DNAJB12: variants seen among roughly 807,000 people sequenced by gnomAD.
DNAJB12 encodes the protein dnaJ homolog subfamily B member 12.
DNAJB12 carries 14 observed loss-of-function variants against 40.6 expected under a neutral mutation model. The ratio of observed to expected loss-of-function variants is 0.34; its 90% CI spans 0.23 to 0.54. DNAJB12 has a LOEUF of 0.54. DNAJB12 is among the 20% of genes least tolerant of loss of function. DNAJB12 has a pLI of 0.92. For synonymous variants in DNAJB12, 181 were observed against 199.5 expected, an observed-to-expected ratio of 0.91 and a Z score of 0.78; for missense variants, 444 against 501.7, an observed-to-expected ratio of 0.89 and a Z score of 1.10.
intron 8 of DNAJB12, chr10:72,334,959 G>A (rs760689483): frequency 1.4e-4 from 159 of 1,147,134 alleles, no homozygotes; most frequent in Admixed American, 1.9e-4. Flanking sequence ...AGAGCCCAGC[G>A]CCCCCATTCG....
chr10:72,345,539 C>T (rs1861761365), intron 1 of DNAJB12, among the ~76,000 whole-genome samples: 1 of 145,044 alleles, frequency 6.9e-6, no homozygotes, highest in Middle Eastern at 3.4e-3. Context: ...CACTGCAGTC[C>T]AGCCTGGGTG....
intron 1 of DNAJB12, among the ~76,000 whole-genome samples, chr10:72,349,217 A>G (rs1589133014): frequency 6.6e-6 from 1 of 152,278 alleles, no homozygotes; most frequent in East Asian, 1.9e-4. Flanking sequence ...GAAATGGGAT[A>G]ATGTGTGTAA....
intron 1 of DNAJB12, among the ~76,000 whole-genome samples, chr10:72,351,804 TG>T (rs1257149764): frequency 6.6e-6 from 1 of 152,246 alleles, no homozygotes; most frequent in East Asian, 1.9e-4. Context: ...CACTTTCACC[TG>T]TAACCTGGAG....
chr10:72,341,997 T>TA (rs1339550004), intron 3 of DNAJB12, among the ~76,000 whole-genome samples: 1 of 152,220 alleles, frequency 6.6e-6, no homozygotes, highest in Admixed American at 6.5e-5. Context: ...GGGCATCCCT[T>TA]TCTGGAGGTT....
At chr10:72,348,974 G>A (rs528674388) in intron 1 of DNAJB12, among the ~76,000 whole-genome samples, 7 of 152,168 alleles carry the variant, frequency 4.6e-5, no homozygotes, top group Admixed American at 3.9e-4. Context: ...AGGGGCCTTC[G>A]AACCCCAGGA....
chr10:72,352,700 T>C (rs1205434577), intron 1 of DNAJB12, among the ~76,000 whole-genome samples: 1 of 152,168 alleles, frequency 6.6e-6, no homozygotes, highest in African/African-American at 2.4e-5. Context: ...GTAAGTTTTG[T>C]CTCTTTCACT....
intron 2 of DNAJB12, 41 bp downstream of exon 2, chr10:72,344,908 TC>T (rs1381482699): frequency 6.2e-7 from 1 of 1,610,452 alleles, no homozygotes; most frequent in Non-Finnish European, 8.5e-7. Context: ...CCTCTAGATT[TC>T]CCCAGTCTCC....
intron 5 of DNAJB12, among the ~76,000 whole-genome samples, chr10:72,339,968 C>T (rs543152166): frequency 6.6e-6 from 1 of 152,182 alleles, no homozygotes; most frequent in South Asian, 2.1e-4. Context: ...ACCTTGGCCT[C>T]CCAAATTTTT....
rs1862018640 is a variant in DNAJB12 at position 72,354,645 on chromosome 10, T to C, written c.133+120A>G. On this transcript the variant is annotated intron_variant, in intron 1 of 8. Coordinates refer to ENST00000444643, the MANE Select transcript of DNAJB12 (RefSeq NM_017626.7). ...TCCCAGCAGCCACCGCGCGCCTCAG[T>C]GCGCAGGCGTAGCCGCGCCTCGCCA... is the stretch of plus-strand genomic sequence containing the variant. 5 of 955,376 alleles carry C rather than the reference T, an allele frequency of 5.2e-6. No homozygotes were observed. The Admixed American group carries it at 8.1e-5, about 15-fold the overall frequency. The allele number at this position is 955,376 out of a possible 1,614,324, so 59.2% of individuals were successfully genotyped here. A position where few individuals can be genotyped will look rare whatever the true frequency, so the allele number is the denominator to read the frequency against.
At chr10:72,346,635 ATTT>A (rs1217750419) in intron 1 of DNAJB12, among the ~76,000 whole-genome samples, 2 of 149,324 alleles carry the variant, frequency 1.3e-5, no homozygotes, top group Non-Finnish European at 3.0e-5. Context: ...TAATTTTTGT[ATTT>A]TTAGTAGAGA....
chr10:72,343,317 G>A, intron 3 of DNAJB12, 49 bp downstream of exon 3: 1 of 1,584,356 alleles, frequency 6.3e-7, no homozygotes, highest in South Asian at 1.1e-5. Flanking sequence ...TCCCTGCCAT[G>A]GACAGGAGAT....
intron 1 of DNAJB12, among the ~76,000 whole-genome samples, chr10:72,349,158 G>C (rs555013788): frequency 3.4e-4 from 52 of 152,168 alleles, no homozygotes; most frequent in Non-Finnish European, 6.0e-4. Flanking sequence ...GACCCTGGCT[G>C]ATCTATGAAA....
chr10:72,347,236 C>T (rs1001912788), intron 1 of DNAJB12, among the ~76,000 whole-genome samples: 1 of 152,220 alleles, frequency 6.6e-6, no homozygotes, highest in African/African-American at 2.4e-5. Context: ...GCTGGGATTA[C>T]AGGCATGAGC....
intron 7 of DNAJB12, 144 bp downstream of exon 7, chr10:72,336,378 CTT>C: frequency 1.1e-6 from 1 of 871,890 alleles, no homozygotes. Flanking sequence ...GAGACCAGCT[CTT>C]GTCTGGGAGG....
Position 72,335,605 on chromosome 10 carries a change from T to TGGTTTCCCA in DNAJB12, c.*30+166_*30+174dup. 2 of 1,389,290 alleles carry TGGTTTCCCA rather than the reference T, an allele frequency of 1.4e-6. No homozygotes were observed. Among genetic ancestry groups the TGGTTTCCCA allele is most frequent in the South Asian group, 3.1e-5 (2 of 64,244 alleles). 86.1% of individuals were successfully genotyped at this position (1,389,290 alleles called of 1,614,324 possible). A position where few individuals can be genotyped will look rare whatever the true frequency, so the allele number is the denominator to read the frequency against. ...ATCGCTAGAGGGCGGAAACCGACCT[T>TGGTTTCCCA]GGTTTCCCAGCAGGCCCCACAGCTG... On this transcript the variant is annotated intron_variant, in intron 8 of 8. Coordinates refer to ENST00000444643, the MANE Select transcript of DNAJB12 (RefSeq NM_017626.7). This position sits in a 1 kb window ranked among gnomAD's most constrained non-coding sequence, Gnocchi z 4.4.
intron 1 of DNAJB12, among the ~76,000 whole-genome samples, chr10:72,352,350 C>A (rs574553641): frequency 1.3e-5 from 2 of 152,200 alleles, no homozygotes; most frequent in Non-Finnish European, 2.9e-5. Flanking sequence ...TCTCTTCCCC[C>A]AAACGTTACA....
At position 72,345,030 on chromosome 10, in the gene DNAJB12, G is replaced by C; in HGVS notation, c.231C>G (p.Thr77=). ...CTTCACCGTTGGCCGAGGGGGCATCGGTCCCACCTGCTTTCCTGTGGGTGG... is the reference window on the plus strand; with the variant it reads ...CTTCACCGTTGGCCGAGGGGGCATCCGTCCCACCTGCTTTCCTGTGGGTGG... ...THATHRKAGG[T]DAPSANGEAG... Residue 77 remains threonine (T), a synonymous_variant, in exon 2 of 9, where the codon ACC becomes ACG. Coordinates refer to ENST00000444643, the MANE Select transcript of DNAJB12 (RefSeq NM_017626.7). 1 of 1,614,212 alleles carries C rather than the reference G, an allele frequency of 6.2e-7. No homozygotes were observed. The highest frequency in any genetic ancestry group is 8.5e-7 in the Non-Finnish European group (1 of 1,180,030).
At chr10:72,343,198 G>A (rs150064801) in intron 3 of DNAJB12, among the ~76,000 whole-genome samples, 168 bp downstream of exon 3, 70 of 152,342 alleles carry the variant, frequency 4.6e-4, no homozygotes, top group African/African-American at 1.7e-3. Flanking sequence ...GCTAGAGGTG[G>A]CTACTAGAAC....
chr10:72,340,321 C>T (rs535029246), intron 5 of DNAJB12, among the ~76,000 whole-genome samples: 4 of 151,476 alleles, frequency 2.6e-5, no homozygotes, highest in South Asian at 2.1e-4. Context: ...TCAGCCTGGG[C>T]GAGAGAGCAA....
Sources: allele counts gnomAD v4.1 joint callset (sites outside exome capture counted in the v4.1 genomes callset), GRCh38; gene constraint gnomAD v4.1.1; non-coding constraint Gnocchi (gnomAD v3.1); transcripts MANE v1.5; gene names NCBI Gene and HGNC (gene_info 2026-07-23, HGNC 2026-07-21).